The following C2orf74 variants were observed in gnomAD, a reference collection of about 807,000 sequenced individuals.
The protein encoded by C2orf74 is uncharacterized protein C2orf74.
Under a neutral mutation model 17.9 loss-of-function variants are expected in C2orf74, and 14 were observed. The observed-to-expected ratio is 0.78, with a 90% confidence interval of 0.52 to 1.22. C2orf74 has a LOEUF of 1.22. C2orf74 is among the 50% of genes most tolerant of loss of function. The probability of loss-of-function intolerance (pLI) is 0.00; values close to 1 mark genes in which losing one functional copy is unlikely to be tolerated. For synonymous variants in C2orf74, 79 were observed against 72.6 expected, an observed-to-expected ratio of 1.09 and a Z score of -0.44; for missense variants, 217 against 218.4, an observed-to-expected ratio of 0.99 and a Z score of 0.04.
At chr2:61,160,036 T>C (rs1178460791), upstream of C2orf74, among the ~76,000 whole-genome samples, 2 of 152,232 alleles carry the variant, frequency 1.3e-5, no homozygotes, top group African/African-American at 4.8e-5. Flanking sequence ...GTCTATGAAT[T>C]TGACTATTTC....
At chr2:61,154,370 G>A (rs1685333363) in intron 1 of C2orf74, among the ~76,000 whole-genome samples, 1 of 152,152 alleles carries the variant, frequency 6.6e-6, no homozygotes, top group African/African-American at 2.4e-5. Context: ...AATTGTCACA[G>A]CCAAGAGGAG....
At chr2:61,162,636 TC>T in intron 2 of C2orf74, 27 bp downstream of exon 2, 1 of 1,396,638 alleles carries the variant, frequency 7.2e-7, no homozygotes, top group Middle Eastern at 1.8e-4. Flanking sequence ...ATAATTGGGA[TC>T]AGATTTCAAG....
intron 4 of C2orf74, among the ~76,000 whole-genome samples, chr2:61,163,475 C>G (rs1041302583): frequency 4.0e-5 from 6 of 151,596 alleles, no homozygotes; most frequent in Admixed American, 6.6e-5. Flanking sequence ...GTGGTGGCAC[C>G]CGCCTGTAAT....
upstream of C2orf74, among the ~76,000 whole-genome samples, chr2:61,158,432 A>G (rs1370702330): frequency 1.3e-5 from 2 of 152,304 alleles, no homozygotes; most frequent in Admixed American, 1.3e-4. Context: ...GGATATACAT[A>G]AGTGACAAGG....
intron 1 of C2orf74, among the ~76,000 whole-genome samples, chr2:61,156,143 G>A (rs1685384709): frequency 6.6e-6 from 1 of 152,174 alleles, no homozygotes; most frequent in South Asian, 2.1e-4. Context: ...AGGCTGCAGT[G>A]AGCTATGATT....
chr2:61,163,356 C>A (rs1559191530), intron 4 of C2orf74, 124 bp downstream of exon 4: 2 of 1,074,168 alleles, frequency 1.9e-6, no homozygotes, highest in East Asian at 2.6e-5. Context: ...CGCCTGTAAT[C>A]CCAGCATTTT....
At chr2:61,145,650 T>G (rs1308727254) in intron 1 of C2orf74, among the ~76,000 whole-genome samples, 1 of 152,196 alleles carries the variant, frequency 6.6e-6, no homozygotes, top group Non-Finnish European at 1.5e-5. Context: ...CTCGAACTCC[T>G]GACCTCAGGT....
At position 61,162,538 on chromosome 2, in the gene C2orf74, C is replaced by T. The variant is rs754129451; in HGVS notation, c.24C>T (p.Ile8=). The T allele has an allele frequency of 6.4e-7, 1 of 1,551,738 alleles. No homozygotes were observed. The highest frequency in any genetic ancestry group is 1.2e-5 in the South Asian group (1 of 84,042). The change falls in exon 2 of 5, where the codon ATC becomes ATT. Residue 8 remains isoleucine, a synonymous_variant. Transcript: ENST00000432605. MSFETTA[I]TFFIILLICL... is the part of the protein sequence containing the mutation. Reference sequence around the variant, plus strand: ...CTATGAGCTTTGAAACCACAGCAATCACTTTCTTCATCATCCTTCTAATTT... The same window carrying T: ...CTATGAGCTTTGAAACCACAGCAATTACTTTCTTCATCATCCTTCTAATTT...
intron 1 of C2orf74, among the ~76,000 whole-genome samples, chr2:61,157,032 T>G (rs1041677761): frequency 1.3e-5 from 2 of 152,176 alleles, no homozygotes; most frequent in Admixed American, 1.3e-4. Flanking sequence ...TTTGATTGAT[T>G]GATTGACTGA....
At chr2:61,145,433 A>T (rs1685038961) in intron 1 of C2orf74, among the ~76,000 whole-genome samples, 1 of 152,138 alleles carries the variant, frequency 6.6e-6, no homozygotes, top group Non-Finnish European at 1.5e-5. Context: ...TTATTTATTT[A>T]TTTATTTTTT....
chr2:61,162,020 C>G (rs2103645342), upstream of C2orf74: 1 of 158,086 alleles, frequency 6.3e-6, no homozygotes, highest in Middle Eastern at 3.3e-3. Context: ...CTAACCTGGA[C>G]CTCTCAGAAG....
intron 1 of C2orf74, among the ~76,000 whole-genome samples, chr2:61,145,689 C>T (rs1251178989): frequency 1.3e-5 from 2 of 152,168 alleles, no homozygotes; most frequent in Non-Finnish European, 2.9e-5. Flanking sequence ...TCCCAAAGTG[C>T]TGGGATTACA....
Position 61,150,533 on chromosome 2 carries a change from A to C in C2orf74, c.-122+5337A>C, listed in dbSNP as rs150302044. Reference sequence around the variant, plus strand: ...CTGAGACACCTTGGGGCCTGCTGTAAGATCCACATCGGTCCCCCTCCACAT... The same window carrying C: ...CTGAGACACCTTGGGGCCTGCTGTACGATCCACATCGGTCCCCCTCCACAT... On this transcript the variant is annotated intron_variant, in intron 1 of 3. Coordinates refer to the C2orf74 transcript ENST00000426997. Among the ~76,000 whole-genome samples, 6 of 152,300 alleles carry C rather than the reference A, an allele frequency of 3.9e-5. No homozygotes were observed. In the East Asian group the frequency reaches 1.2e-3, roughly 29 times the overall value.
At chr2:61,150,508 CTG>C (rs1251359598) in intron 1 of C2orf74, among the ~76,000 whole-genome samples, 1 of 152,212 alleles carries the variant, frequency 6.6e-6, no homozygotes, top group Non-Finnish European at 1.5e-5. Flanking sequence ...GACAGAAACA[CTG>C]AGACACCTTG....
chr2:61,147,775 T>C (rs1685113121), intron 1 of C2orf74, among the ~76,000 whole-genome samples: 1 of 152,084 alleles, frequency 6.6e-6, no homozygotes, highest in African/African-American at 2.4e-5. Context: ...TGTTTGTTTT[T>C]TGTTTGTTTT....
chr2:61,163,266 A>G, intron 4 of C2orf74, 34 bp downstream of exon 4: 2 of 1,535,524 alleles, frequency 1.3e-6, no homozygotes, highest in Non-Finnish European at 1.8e-6. Flanking sequence ...AGAGCAGTTT[A>G]GAATTTGTTT....
At chr2:61,163,981 C>T (rs908967030) in intron 4 of C2orf74, among the ~76,000 whole-genome samples, 10 of 152,062 alleles carry the variant, frequency 6.6e-5, no homozygotes, top group African/African-American at 2.4e-4. Flanking sequence ...CAGGGTCCTA[C>T]AACAGCACAC....
intron 1 of C2orf74, among the ~76,000 whole-genome samples, chr2:61,155,219 A>G (rs1413157962): frequency 1.3e-5 from 2 of 152,250 alleles, no homozygotes; most frequent in Non-Finnish European, 2.9e-5. Flanking sequence ...TGATTAAGAA[A>G]GACTTTGACA....
chr2:61,157,959 C>T, upstream of C2orf74: 2 of 471,212 alleles, frequency 4.2e-6, no homozygotes, highest in African/African-American at 4.0e-5. Context: ...CAGATCCTGT[C>T]ACCACGAGTG....
Sources: allele counts gnomAD v4.1 joint callset (sites outside exome capture counted in the v4.1 genomes callset), GRCh38; gene constraint gnomAD v4.1.1; transcripts MANE v1.5; gene names NCBI Gene and HGNC (gene_info 2026-07-23, HGNC 2026-07-21).